Variants in DCAF6 observed in about 807,000 individuals in gnomAD.
DCAF6 encodes DDB1 and CUL4 associated factor 6.
A neutral mutation model predicts 125.1 loss-of-function variants in DCAF6; 54 were observed. The ratio of observed to expected loss-of-function variants is 0.43; its 90% CI spans 0.35 to 0.54. DCAF6 has a LOEUF of 0.54. Among genes scored for constraint, DCAF6 ranks in the 20% least tolerant of loss-of-function variants. The pLI, the probability that DCAF6 is intolerant of heterozygous loss-of-function variation, is 0.01. For synonymous variants in DCAF6, 371 were observed against 390.4 expected, an observed-to-expected ratio of 0.95 and a Z score of 0.58; for missense variants, 934 against 1,161.7, an observed-to-expected ratio of 0.80 and a Z score of 2.85.
At chr1:167,901,009 A>G in the DCAF6 span, among the ~76,000 whole-genome samples, 5 of 152,208 alleles carry the variant, frequency 3.3e-5, no homozygotes, top group Admixed American at 6.5e-5. Context: ...TCTGTTACTC[A>G]TTACTTATAC....
At chr1:167,990,676 A>G (rs1185316175) in intron 5 of DCAF6, among the ~76,000 whole-genome samples, 1 of 152,142 alleles carries the variant, frequency 6.6e-6, no homozygotes, top group Non-Finnish European at 1.5e-5. Context: ...CATAAATATG[A>G]GTTTCTTGGA....
intron 7 of DCAF6, among the ~76,000 whole-genome samples, chr1:168,000,719 A>T (rs951872984): frequency 1.3e-5 from 2 of 152,174 alleles, no homozygotes; most frequent in East Asian, 3.8e-4. Context: ...TGAAAACATA[A>T]TACTAAGTGA....
intron 16 of DCAF6, 65 bp from the exon 17 acceptor site, chr1:168,050,827 G>T: frequency 3.1e-6 from 3 of 956,050 alleles, no homozygotes; most frequent in Non-Finnish European, 4.3e-6. Flanking sequence ...TGTCCTTAAT[G>T]CTTTAAATAT....
intron 2 of DCAF6, among the ~76,000 whole-genome samples, chr1:167,953,655 A>G (rs1362624261): frequency 1.3e-5 from 2 of 152,234 alleles, no homozygotes; most frequent in African/African-American, 4.8e-5. Flanking sequence ...GGCTGGAGTG[A>G]GTGGTGCAAT....
At chr1:167,916,674 C>T in the DCAF6 span, 1 of 152,140 alleles carries the variant, frequency 6.6e-6, no homozygotes, top group African/African-American at 2.4e-5. Flanking sequence ...ACAAGAGGGG[C>T]TTAGGAGACC....
chr1:168,073,936 ATTTTG>A (rs1693449324), intron 21 of DCAF6, among the ~76,000 whole-genome samples: 1 of 148,250 alleles, frequency 6.7e-6, no homozygotes. Flanking sequence ...TTCAAATCTT[ATTTTG>A]TTCATTTATT....
intron 4 of DCAF6, among the ~76,000 whole-genome samples, chr1:167,984,998 G>A (rs1454489887): frequency 1.3e-5 from 2 of 152,162 alleles, no homozygotes; most frequent in Admixed American, 1.3e-4. Context: ...CAGCAGACAA[G>A]AGAAGAGAGC....
At chr1:167,877,964 C>T in the DCAF6 span, among the ~76,000 whole-genome samples, 1 of 152,164 alleles carries the variant, frequency 6.6e-6, no homozygotes, top group African/African-American at 2.4e-5. Flanking sequence ...ATGAAAATGA[C>T]TGAAAGCCAT....
intron 1 of DCAF6, among the ~76,000 whole-genome samples, chr1:167,941,633 C>T (rs559568213): frequency 1.3e-5 from 2 of 151,972 alleles, no homozygotes; most frequent in Admixed American, 1.3e-4. Context: ...TGAGTCTCAG[C>T]TTGAGGTTTG....
At chr1:168,074,765 A>T (rs1693604297) in intron 21 of DCAF6, among the ~76,000 whole-genome samples, 1 of 152,184 alleles carries the variant, frequency 6.6e-6, no homozygotes, top group Non-Finnish European at 1.5e-5. Flanking sequence ...TAGCTAAAGA[A>T]TTGGGCAAAA....
At chr1:168,071,752 G>T (rs555978654) in intron 21 of DCAF6, among the ~76,000 whole-genome samples, 59 of 152,260 alleles carry the variant, frequency 3.9e-4, no homozygotes, top group South Asian at 8.3e-4. Context: ...ACTCCCTATT[G>T]CTCTTAAAGT....
At chr1:167,996,669 A>G (rs924110889) in intron 7 of DCAF6, among the ~76,000 whole-genome samples, 1 of 152,190 alleles carries the variant, frequency 6.6e-6, no homozygotes, top group African/African-American at 2.4e-5. Context: ...GGTGGCTTCA[A>G]GATCTTATAT....
chr1:167,937,222 T>C, intron 1 of DCAF6: 1 of 600,576 alleles, frequency 1.7e-6, no homozygotes, highest in East Asian at 2.9e-5. Flanking sequence ...CTTGCTGGGT[T>C]TTTCTCGGAG....
At chr1:167,966,045 T>C (rs528210749) in intron 2 of DCAF6, among the ~76,000 whole-genome samples, 1 of 152,338 alleles carries the variant, frequency 6.6e-6, no homozygotes, top group African/African-American at 2.4e-5. Context: ...AGGTTTCTGC[T>C]CATGAGTCTG....
chr1:167,976,271 C>A (rs1678140823), intron 4 of DCAF6, among the ~76,000 whole-genome samples: 5 of 152,092 alleles, frequency 3.3e-5, no homozygotes, highest in Admixed American at 2.6e-4. Flanking sequence ...GAATTTGAGA[C>A]CGGCCTGGCC....
rs1177526860 is a variant in DCAF6, at chr1:168,050,060, C to G, written c.2259-832C>G. On this transcript the variant is annotated intron_variant, in intron 16 of 21. Coordinates refer to ENST00000367840, the MANE Select transcript of DCAF6 (RefSeq NM_001198956.2). ...TAAACTCAAGAGAAAACCTAAATTA[C>G]TCTCTGAAAAAAAAAAACAAGCATC... Among the ~76,000 whole-genome samples the G allele has an allele frequency of 8.2e-5, 9 of 109,294 alleles. No individual in the cohort carries two copies. The Admixed American group carries it at 8.7e-4, about 11-fold the overall frequency. The allele number at this position is 109,294 out of a possible 152,430, so 71.7% of individuals were successfully genotyped here.
intron 4 of DCAF6, among the ~76,000 whole-genome samples, chr1:167,985,903 T>G (rs1679936881): frequency 1.3e-5 from 2 of 152,182 alleles, no homozygotes; most frequent in African/African-American, 2.4e-5. Context: ...GTTTACTGCT[T>G]TCTAGGCTCT....
intron 1 of DCAF6, chr1:167,937,237 G>A: frequency 1.7e-6 from 1 of 592,538 alleles, no homozygotes. Context: ...TCGGAGGGCC[G>A]GGCCGTGGGC....
At chr1:167,879,305 G>A in the DCAF6 span, among the ~76,000 whole-genome samples, 6 of 152,262 alleles carry the variant, frequency 3.9e-5, no homozygotes, top group East Asian at 3.9e-4. Flanking sequence ...GTTAATACAC[G>A]TTTATCACTT....
Sources: allele counts gnomAD v4.1 joint callset (sites outside exome capture counted in the v4.1 genomes callset), GRCh38; gene constraint gnomAD v4.1.1; transcripts MANE v1.5; gene names NCBI Gene and HGNC (gene_info 2026-07-23, HGNC 2026-07-21).